Variants in RDX observed in about 807,000 individuals in gnomAD.
RDX encodes the protein deafness, autosomal recessive 24.
RDX carries 32 observed loss-of-function variants against 83.7 expected under a neutral mutation model. The observed-to-expected ratio is 0.38, with a 90% CI of 0.29 to 0.51. The LOEUF (loss-of-function observed/expected upper bound fraction) is 0.51, where lower values mean the gene tolerates loss of function less well. RDX is among the 20% of genes least tolerant of loss of function. RDX has a pLI of 0.87. For synonymous variants in RDX, 229 were observed against 222.7 expected (o/e 1.03, Z -0.25); for missense variants, 600 against 689.9 (o/e 0.87, Z 1.46).
chr11:110,284,687 ATT>A (rs921327261), intron 1 of RDX, among the ~76,000 whole-genome samples: 1 of 150,922 alleles, frequency 6.6e-6, no homozygotes, highest in African/African-American at 2.4e-5. Flanking sequence ...CACCCGGCTA[ATT>A]TTTTTTTGTA....
intron 15 of RDX, among the ~76,000 whole-genome samples, chr11:110,193,087 C>T (rs764748166): frequency 3.9e-5 from 6 of 152,078 alleles, no homozygotes; most frequent in Non-Finnish European, 7.4e-5. Flanking sequence ...CACAGCAGTA[C>T]GCCCAATAGC....
intron 15 of RDX, among the ~76,000 whole-genome samples, chr11:110,186,222 C>A (rs916241677): frequency 6.6e-6 from 1 of 152,104 alleles, no homozygotes; most frequent in African/African-American, 2.4e-5. Flanking sequence ...CTTCAGCTTC[C>A]CATCAGAGCA....
intron 1 of RDX, among the ~76,000 whole-genome samples, chr11:110,293,541 G>T (rs1861327782): frequency 6.6e-6 from 1 of 152,182 alleles, no homozygotes; most frequent in African/African-American, 2.4e-5. Context: ...CGCACACCCT[G>T]GCTGCAGCAA....
intron 11 of RDX, among the ~76,000 whole-genome samples, chr11:110,237,033 C>A (rs1320189743): frequency 1.3e-5 from 2 of 151,216 alleles, no homozygotes; most frequent in African/African-American, 4.9e-5. Context: ...AAGTGACACG[C>A]TTACATCTAA....
rs527843338 is a variant in RDX, at chr11:110,239,709, G to C, written c.1091-2057C>G. On this transcript the variant is annotated intron_variant, in intron 10 of 13. Coordinates refer to ENST00000645495, the MANE Select transcript of RDX (RefSeq NM_002906.4). ...GGTGGCTCACGCCTGTAAATCCCAG[G>C]ACTTTGGGATTTACAAAAATTAGCT... Among the ~76,000 whole-genome samples, 7 of 140,992 alleles carry C rather than the reference G, an allele frequency of 5.0e-5. No individual in the cohort carries two copies. In the East Asian group the frequency reaches 1.4e-3, roughly 27 times the overall value. The allele number at this position is 140,992 out of a possible 152,430, so 92.5% of individuals were successfully genotyped here.
At chr11:110,215,853 A>G (rs942161426) in intron 14 of RDX, among the ~76,000 whole-genome samples, 11 of 152,314 alleles carry the variant, frequency 7.2e-5, no homozygotes, top group Middle Eastern at 3.4e-3. Context: ...TATAAAATGG[A>G]ATACCTTCAA....
At chr11:110,242,661 A>G (rs1044465224) in intron 10 of RDX, among the ~76,000 whole-genome samples, 1 of 152,194 alleles carries the variant, frequency 6.6e-6, no homozygotes, top group Non-Finnish European at 1.5e-5. Flanking sequence ...TTTGTGATAT[A>G]TTAAGAATTG....
chr11:110,278,133 T>C (rs1351936441), intron 2 of RDX, among the ~76,000 whole-genome samples: 1 of 152,216 alleles, frequency 6.6e-6, no homozygotes. Flanking sequence ...TGTATTTTCA[T>C]TTCACCGATC....
At chr11:110,244,226 G>A (rs1161773456) in intron 10 of RDX, among the ~76,000 whole-genome samples, 1 of 151,880 alleles carries the variant, frequency 6.6e-6, no homozygotes, top group African/African-American at 2.4e-5. Context: ...GCTGGGTGTG[G>A]TGGTGGACGC....
intron 9 of RDX, among the ~76,000 whole-genome samples, chr11:110,253,261 C>T (rs1247483854): frequency 6.6e-6 from 1 of 151,994 alleles, no homozygotes; most frequent in African/African-American, 2.4e-5. Flanking sequence ...ATTTCTTAGA[C>T]TATCACGTTG....
At chr11:110,248,994 T>C (rs2134343177) in intron 9 of RDX, among the ~76,000 whole-genome samples, 1 of 152,322 alleles carries the variant, frequency 6.6e-6, no homozygotes, top group East Asian at 1.9e-4. Context: ...ATCATTTAGC[T>C]GCACCTGCCA....
chr11:110,195,386 T>C (rs920052949), intron 15 of RDX, among the ~76,000 whole-genome samples: 6 of 152,202 alleles, frequency 3.9e-5, no homozygotes, highest in Non-Finnish European at 8.8e-5. Flanking sequence ...GAATTAATAA[T>C]GCTGCTTCAC....
intron 14 of RDX, among the ~76,000 whole-genome samples, chr11:110,217,537 C>T (rs994367041): frequency 2.6e-5 from 4 of 152,182 alleles, no homozygotes; most frequent in Non-Finnish European, 5.9e-5. Flanking sequence ...AGGAGAGCAG[C>T]GCAAGATATA....
chr11:110,263,562 G>GAAA (rs34908137), intron 5 of RDX: 2 of 151,404 alleles, frequency 1.3e-5, no homozygotes, highest in Non-Finnish European at 1.4e-5. Flanking sequence ...TTAAAATCTG[G>GAAA]AAAAAAAAAA....
At chr11:110,183,479 T>C (rs1862928081) in intron 15 of RDX, among the ~76,000 whole-genome samples, 1 of 152,146 alleles carries the variant, frequency 6.6e-6, no homozygotes, top group South Asian at 2.1e-4. Flanking sequence ...AGGTACACGC[T>C]AACAGCCCAG....
At chr11:110,205,145 T>A (rs1200696393) in intron 14 of RDX, among the ~76,000 whole-genome samples, 1 of 151,960 alleles carries the variant, frequency 6.6e-6, no homozygotes, top group East Asian at 1.9e-4. Context: ...AGGAAAAGGA[T>A]GAACTGTTAA....
At position 110,237,532 on chromosome 11, in the gene RDX, G is replaced by A. The variant is rs369202684; in HGVS notation, c.1211C>T (p.Ala404Val). Residue 404 changes from alanine (A) to valine (V), a missense_variant, in exon 11 of 14, where the codon GCA (alanine) becomes GTA (valine). Coordinates refer to ENST00000645495, the MANE Select transcript of RDX (RefSeq NM_002906.4). ...CTTCATCTGGTCGGCAGCTTGTTTT[G>A]CTATGGCAGACTTTGCCTCTTCAGC... is the stretch of plus-strand genomic sequence containing the variant. Reference protein sequence around the residue: ...RAAEEAKSAIAKQAADQMKNQ... With the variant: ...RAAEEAKSAIVKQAADQMKNQ... 2.5e-6 allele frequency: 4 copies of A among 1,612,974 alleles called. No individual in the cohort carries two copies. Among genetic ancestry groups the A allele is most frequent in the Non-Finnish European group, 3.4e-6 (4 of 1,180,006 alleles).
At chr11:110,215,870 C>G (rs1045930368) in intron 14 of RDX, among the ~76,000 whole-genome samples, 1 of 152,166 alleles carries the variant, frequency 6.6e-6, no homozygotes, top group African/African-American at 2.4e-5. Context: ...TCAAGGACAC[C>G]TGCAGCCTTT....
At chr11:110,197,802 C>G (rs1565286165) in intron 15 of RDX, among the ~76,000 whole-genome samples, 1 of 152,116 alleles carries the variant, frequency 6.6e-6, no homozygotes, top group Non-Finnish European at 1.5e-5. Flanking sequence ...GTGCTTTAAC[C>G]CAGGATTTTA....
Sources: gnomAD v4.1 joint callset for allele counts (sites outside exome capture counted in the v4.1 genomes callset) on GRCh38, gnomAD v4.1.1 for gene constraint, MANE v1.5 for transcripts, NCBI Gene and HGNC (gene_info 2026-07-23, HGNC 2026-07-21) for gene names.